Variants in SNED1 observed in about 807,000 individuals in gnomAD.
The protein encoded by SNED1 is sushi, nidogen and EGF-like domain-containing protein 1.
Under a neutral mutation model 166.7 loss-of-function variants are expected in SNED1, and 81 were observed. That is an observed-to-expected ratio of 0.49 (90% CI 0.41 to 0.58). The LOEUF is 0.58. Among genes scored for constraint, SNED1 ranks in the 20% least tolerant of loss-of-function variants. The probability of loss-of-function intolerance (pLI) is 0.00; values close to 1 mark genes in which losing one functional copy is unlikely to be tolerated. For missense variants in SNED1, 1,604 were observed against 2,000.2 expected (o/e 0.80, Z 3.78); for synonymous variants, 762 against 822.0 (o/e 0.93, Z 1.25).
rs1441913537 is a variant in SNED1 at position 241,040,170 on chromosome 2, G to A, written c.1141G>A (p.Gly381Arg). Residue 381 changes from glycine to arginine, a missense_variant, in exon 7 of 32, where the codon GGA (glycine) becomes AGA (arginine). Gly to Arg is a moderately radical substitution (Grantham distance 125). Coordinates refer to ENST00000310397, the MANE Select transcript of SNED1 (RefSeq NM_001080437.3). ...GTGTGTGTGCCAGGCCGGATACACC[G>A]GAGCAGCCTGCGAGATGGGTGAGTG... ...AVCVCQAGYT[G>R]AACEMDVDDC... 14 of 1,598,044 alleles carry A rather than the reference G, an allele frequency of 8.8e-6. No individual in the cohort carries two copies. The Admixed American group carries it at 1.6e-4, about 18-fold the overall frequency.
chr2:241,083,191 G>A (rs1165263566), intron 29 of SNED1, among the ~76,000 whole-genome samples: 1 of 152,200 alleles, frequency 6.6e-6, no homozygotes, highest in Non-Finnish European at 1.5e-5. Flanking sequence ...CAAGAGGGCA[G>A]CCTCCTGGGG....
chr2:241,008,744 G>A (rs951676112), intron 1 of SNED1, among the ~76,000 whole-genome samples: 3 of 152,358 alleles, frequency 2.0e-5, no homozygotes, highest in East Asian at 1.9e-4. Flanking sequence ...CGTGGTGCCC[G>A]GGGCTCAGCA....
chr2:241,087,660 A>T, intron 30 of SNED1, 185 bp downstream of exon 30: 9 of 1,393,138 alleles, frequency 6.5e-6, no homozygotes, highest in Non-Finnish European at 8.4e-6. Context: ...TGTGCATGTG[A>T]GCATACCCAG....
At chr2:241,036,676 A>C in intron 4 of SNED1, 114 bp from the exon 5 acceptor site, 9 of 1,409,638 alleles carry the variant, frequency 6.4e-6, no homozygotes, top group Non-Finnish European at 7.8e-6. Context: ...TCACCCGGGC[A>C]CCCAGAGGCC....
Position 241,073,241 on chromosome 2 carries a change from G to A in SNED1, c.3818-25G>A, listed in dbSNP as rs2062829404. The A allele has an allele frequency of 6.5e-7, 1 of 1,535,024 alleles. No homozygotes were observed. The highest frequency in any genetic ancestry group is 1.2e-5 in the South Asian group (1 of 83,806). On this transcript the variant is annotated intron_variant, in intron 26 of 31. Coordinates refer to ENST00000310397, the MANE Select transcript of SNED1 (RefSeq NM_001080437.3). The surrounding 1 kb of genome is among the most constrained non-coding windows in gnomAD (Gnocchi z 6.6). ...CCCGGGTGCAAAGCAGCTGCGCCGT[G>A]TGGTCACCGCCTGGCTTCTCCTAGA...
chr2:241,065,155 G>C, intron 20 of SNED1, 144 bp from the exon 21 acceptor site: 1 of 891,722 alleles, frequency 1.1e-6, no homozygotes, highest in Non-Finnish European at 1.7e-6. Context: ...CTGGAGGTAC[G>C]TGGCCAGGGA....
intron 16 of SNED1, among the ~76,000 whole-genome samples, chr2:241,061,848 T>TC (rs200595022): frequency 2.5e-4 from 28 of 110,142 alleles, no homozygotes; most frequent in African/African-American, 6.8e-4. Context: ...CGAAACTCCA[T>TC]CCCCCCAAAA....
chr2:241,063,087 C>T (rs764577201), intron 17 of SNED1, among the ~76,000 whole-genome samples, 183 bp downstream of exon 17: 30 of 152,248 alleles, frequency 2.0e-4, no homozygotes, highest in Non-Finnish European at 2.8e-4. Flanking sequence ...TCCTGCACCT[C>T]CCCAGGGGAG....
Position 241,070,002 on chromosome 2 carries a change from C to G in SNED1, c.3390C>G (p.Gly1130=). The change falls in exon 24 of 32, where the codon GGC becomes GGG. Residue 1130 remains glycine (G), a synonymous_variant. Coordinates refer to ENST00000310397, the MANE Select transcript of SNED1 (RefSeq NM_001080437.3). The part of the protein sequence containing the change: ...AHVVWDAPTP[G]SLLEAYVINV... Reference sequence around the variant, plus strand: ...TGGTCTGGGATGCCCCGACTCCAGGCAGCTTGCTGGAGGCTTATGTCATCA... The same window carrying G: ...TGGTCTGGGATGCCCCGACTCCAGGGAGCTTGCTGGAGGCTTATGTCATCA... The G allele has an allele frequency of 6.2e-7, 1 of 1,612,986 alleles. No individual in the cohort carries two copies. Among genetic ancestry groups the G allele is most frequent in the Non-Finnish European group, 8.5e-7 (1 of 1,179,878 alleles).
intron 8 of SNED1, among the ~76,000 whole-genome samples, chr2:241,046,495 A>C (rs2125070697): frequency 6.6e-6 from 1 of 152,388 alleles, no homozygotes; most frequent in African/African-American, 2.4e-5. Context: ...ATAGATACAT[A>C]CGACAACTTA....
chr2:241,012,078 C>G (rs73110117), intron 1 of SNED1, among the ~76,000 whole-genome samples: 22,763 of 152,232 alleles, frequency 0.15, 2,376 homozygotes, highest in East Asian at 0.34. Flanking sequence ...CGACAGAAAA[C>G]TCAGGGCAGC....
Position 241,071,671 on chromosome 2 carries a change from C to T in SNED1, c.3685C>T (p.Arg1229Cys), listed in dbSNP as rs551585215. Residue 1229 changes from arginine (R) to cysteine (C), a missense_variant, in exon 25 of 32, where the codon CGC (arginine) becomes TGC (cysteine). Arg to Cys is a radical substitution (Grantham distance 180). This residue lies in a region of SNED1 where 367 missense variants were observed against 379.4 expected (regional missense o/e 0.97). Coordinates refer to ENST00000310397, the MANE Select transcript of SNED1 (RefSeq NM_001080437.3). ...RPPPARLPEL[R>C]LLNDHSAPET... ...GCCCCCGGCGCGCCTGCCGGAGCTG[C>T]GCCTGCTCAATGACCACAGCGCCCC... The T allele has an allele frequency of 2.5e-5, 39 of 1,555,886 alleles. No individual in the cohort carries two copies. The highest frequency in any genetic ancestry group is 3.7e-5 in the Admixed American group (2 of 53,720).
intron 11 of SNED1, among the ~76,000 whole-genome samples, chr2:241,049,611 G>T (rs2061766799): frequency 6.6e-6 from 1 of 152,278 alleles, no homozygotes; most frequent in Middle Eastern, 3.4e-3. Flanking sequence ...GGTGAATTCT[G>T]CTAAAATCGA....
chr2:241,019,868 G>A (rs1290701086), intron 1 of SNED1, among the ~76,000 whole-genome samples: 1 of 152,174 alleles, frequency 6.6e-6, no homozygotes, highest in African/African-American at 2.4e-5. Flanking sequence ...TTTTTCTGTA[G>A]AGGGCCAGGT....
chr2:241,025,440 C>T (rs1443258041), intron 1 of SNED1, among the ~76,000 whole-genome samples: 1 of 152,208 alleles, frequency 6.6e-6, no homozygotes, highest in Non-Finnish European at 1.5e-5. Flanking sequence ...TACGTTTACT[C>T]TCCTCCTGGG....
chr2:241,065,643 A>AG, intron 21 of SNED1, 48 bp downstream of exon 21: 1 of 1,543,662 alleles, frequency 6.5e-7, no homozygotes, highest in Non-Finnish European at 8.9e-7. Context: ...CTGCCCCTCG[A>AG]GGGCAGCGCT....
At chr2:241,023,705 G>A (rs1411388061) in intron 1 of SNED1, among the ~76,000 whole-genome samples, 1 of 151,984 alleles carries the variant, frequency 6.6e-6, no homozygotes, top group Non-Finnish European at 1.5e-5. Flanking sequence ...CAAATGCAGA[G>A]CTCTTATATC....
chr2:241,008,112 G>A lies in SNED1; in HGVS notation c.213+9062G>A, dbSNP rs571304804. Among the ~76,000 whole-genome samples the A allele has an allele frequency of 4.4e-4, 67 of 152,382 alleles. 1 individual carries two copies. In the South Asian group the frequency reaches 0.014, roughly 31 times the overall value. ...GGTGGCAGCTCCCCAGCTCTGACAGGTCCGGACCACGTGTGTCTCCAAAGC... is the reference window on the plus strand; with the variant it reads ...GGTGGCAGCTCCCCAGCTCTGACAGATCCGGACCACGTGTGTCTCCAAAGC... On this transcript the variant is annotated intron_variant, in intron 1 of 31. Coordinates refer to ENST00000310397, the MANE Select transcript of SNED1 (RefSeq NM_001080437.3).
intron 27 of SNED1, among the ~76,000 whole-genome samples, chr2:241,077,958 G>A (rs2063107168): frequency 6.6e-6 from 1 of 152,136 alleles, no homozygotes; most frequent in African/African-American, 2.4e-5. Flanking sequence ...GCATGACCCA[G>A]TAATTGCACT....
Sources: allele counts gnomAD v4.1 joint callset (sites outside exome capture counted in the v4.1 genomes callset), GRCh38; gene constraint gnomAD v4.1.1; regional missense constraint gnomAD v4.1.1; non-coding constraint Gnocchi (gnomAD v3.1); transcripts MANE v1.5; gene names NCBI Gene and HGNC (gene_info 2026-07-23, HGNC 2026-07-21).